The following ASZ1 variants were observed in gnomAD, a reference collection of about 807,000 sequenced individuals.
ASZ1 encodes the protein ankyrin repeat, SAM and basic leucine zipper domain-containing protein 1.
ASZ1 carries 67 observed loss-of-function variants against 61.8 expected under a neutral mutation model. That is an observed-to-expected ratio of 1.08 (90% CI 0.89 to 1.33). The LOEUF (loss-of-function observed/expected upper bound fraction) is 1.33, where lower values mean the gene tolerates loss of function less well. Among genes scored for constraint, ASZ1 ranks in the 40% most tolerant of loss-of-function variants. ASZ1 has a pLI of 0.00. For missense variants in ASZ1, 577 were observed against 554.5 expected (o/e 1.04, Z -0.41); for synonymous variants, 193 against 192.7 (o/e 1.00, Z -0.01).
chr7:117,427,471 G>T lies in ASZ1; in HGVS notation c.-11C>A. ...CGCGCTCGCCGCCATGCCAGCCAAG[G>T]AAGCTCCCTGTCGGCACCGCGCGCC... On this transcript the variant is annotated 5_prime_UTR_variant, in exon 1 of 13. Coordinates refer to ENST00000284629, the MANE Select transcript of ASZ1 (RefSeq NM_130768.3). 2 of 1,613,542 alleles carry T rather than the reference G, an allele frequency of 1.2e-6. No homozygotes were observed. The highest frequency in any genetic ancestry group is 1.7e-6 in the Non-Finnish European group (2 of 1,179,688).
At chr7:117,410,161 AT>A (rs759986808) in intron 4 of ASZ1, among the ~76,000 whole-genome samples, 2 of 151,656 alleles carry the variant, frequency 1.3e-5, no homozygotes, top group Non-Finnish European at 3.0e-5. Flanking sequence ...GGCATCAGCC[AT>A]TTTTTTAGAA....
rs78601304 is a variant in ASZ1, at chr7:117,417,946, T to G, written c.440+2217A>C. 4.9e-3 allele frequency among the ~76,000 whole-genome samples: 745 copies of G among 152,350 alleles called. 4 individuals carry two copies. The highest frequency in any genetic ancestry group is 7.4e-3 in the Non-Finnish European group (500 of 68,022). On this transcript the variant is annotated intron_variant, in intron 4 of 12. Transcript: ENST00000284629. ...CTTATAGTGTCATTGCCTTATAGTT[T>G]CTAGCATAAGATGCTAACCTTGTGT...
intron 2 of ASZ1, among the ~76,000 whole-genome samples, chr7:117,425,728 G>C (rs1208426422): frequency 6.6e-6 from 1 of 151,760 alleles, no homozygotes; most frequent in Admixed American, 6.6e-5. Context: ...GGTGGCTCTT[G>C]CTTGTAATCT....
At chr7:117,411,484 G>T (rs1246666971) in intron 4 of ASZ1, among the ~76,000 whole-genome samples, 1 of 151,810 alleles carries the variant, frequency 6.6e-6, no homozygotes, top group Non-Finnish European at 1.5e-5. Flanking sequence ...CTAACAATAT[G>T]TTAGCAAGAA....
chr7:117,412,079 T>TGTGTGA (rs1554364841), intron 4 of ASZ1, among the ~76,000 whole-genome samples: 3 of 150,532 alleles, frequency 2.0e-5, no homozygotes, highest in South Asian at 2.1e-4. Context: ...TGTGTGTGTG[T>TGTGTGA]GACTGTGTGT....
chr7:117,415,798 G>A (rs560634522), intron 4 of ASZ1, among the ~76,000 whole-genome samples: 1 of 152,096 alleles, frequency 6.6e-6, no homozygotes, highest in Non-Finnish European at 1.5e-5. Context: ...TGATATTAAC[G>A]TTTAGTACAC....
intron 4 of ASZ1, among the ~76,000 whole-genome samples, chr7:117,393,660 A>G (rs1445782421): frequency 2.0e-5 from 3 of 152,212 alleles, no homozygotes; most frequent in African/African-American, 7.2e-5. Flanking sequence ...CTTTTAGCCA[A>G]TATGAGAGTT....
At chr7:117,426,735 T>G in intron 2 of ASZ1, 101 bp downstream of exon 2, 3 of 1,016,410 alleles carry the variant, frequency 3.0e-6, no homozygotes, top group East Asian at 2.5e-5. Flanking sequence ...TTAACATTTG[T>G]TGCGTTTCCA....
Position 117,426,913 on chromosome 7 carries a change from A to G in ASZ1, c.128T>C (p.Ile43Thr). Residue 43 changes from isoleucine (I) to threonine (T), a missense_variant, in exon 2 of 13, where the codon ATT (isoleucine) becomes ACT (threonine). Transcript: ENST00000284629. The stretch of plus-strand genomic sequence containing the variant: ...CTTAAATTTTTCTTTCTTTTCTTCA[A>G]TGGGTAATAGCCTTTTCAATTTCTA... The part of the protein sequence containing the change: ...TSQKLKRLLP[I>T]EEKKEKFKKA... The G allele has an allele frequency of 1.9e-6, 3 of 1,612,666 alleles. No individual in the cohort carries two copies. Among genetic ancestry groups the G allele is most frequent in the Non-Finnish European group, 2.5e-6 (3 of 1,179,562 alleles).
At chr7:117,384,901 G>A in intron 5 of ASZ1, 41 bp from the exon 6 acceptor site, 1 of 1,501,660 alleles carries the variant, frequency 6.7e-7, no homozygotes, top group Non-Finnish European at 8.9e-7. Context: ...AAGAGAAGGA[G>A]TGTATATGAG....
chr7:117,374,097 G>T (rs1448533443), intron 10 of ASZ1, among the ~76,000 whole-genome samples: 1 of 152,022 alleles, frequency 6.6e-6, no homozygotes, highest in Non-Finnish European at 1.5e-5. Flanking sequence ...GAAGAATGGA[G>T]AAATTGGAAT....
chr7:117,409,385 G>T (rs1796851599), intron 4 of ASZ1, among the ~76,000 whole-genome samples: 1 of 151,686 alleles, frequency 6.6e-6, no homozygotes, highest in Non-Finnish European at 1.5e-5. Context: ...TAGCAAAAAA[G>T]AAATCTGCTT....
At chr7:117,423,399 G>A (rs1797134491) in intron 2 of ASZ1, among the ~76,000 whole-genome samples, 1 of 152,084 alleles carries the variant, frequency 6.6e-6, no homozygotes. Flanking sequence ...TCTACTGCTA[G>A]CCCTACTTGT....
At chr7:117,426,048 T>C (rs1797203932) in intron 2 of ASZ1, among the ~76,000 whole-genome samples, 1 of 152,058 alleles carries the variant, frequency 6.6e-6, no homozygotes, top group Non-Finnish European at 1.5e-5. Context: ...TTAATGCCTC[T>C]TCCAAGAAAC....
chr7:117,418,148 C>A (rs1368470299), intron 4 of ASZ1, among the ~76,000 whole-genome samples: 1 of 152,082 alleles, frequency 6.6e-6, no homozygotes, highest in Non-Finnish European at 1.5e-5. Flanking sequence ...CCTACAAAAT[C>A]TCATAGAGGC....
intron 4 of ASZ1, among the ~76,000 whole-genome samples, chr7:117,418,788 C>T (rs1797045994): frequency 6.6e-6 from 1 of 151,956 alleles, no homozygotes; most frequent in Admixed American, 6.6e-5. Flanking sequence ...ATAGTGAAAC[C>T]CCGTCTCTAC....
intron 4 of ASZ1, among the ~76,000 whole-genome samples, chr7:117,403,580 A>G (rs1055713499): frequency 6.6e-6 from 1 of 152,164 alleles, no homozygotes; most frequent in Non-Finnish European, 1.5e-5. Context: ...TTGGGACAGG[A>G]GCTATATATA....
chr7:117,379,712 T>C (rs1796213713), intron 10 of ASZ1, among the ~76,000 whole-genome samples: 1 of 151,856 alleles, frequency 6.6e-6, no homozygotes, highest in Non-Finnish European at 1.5e-5. Flanking sequence ...AAAATATTTC[T>C]ATGTGAGTTA....
intron 6 of ASZ1, among the ~76,000 whole-genome samples, 174 bp from the exon 7 acceptor site, chr7:117,383,284 C>G (rs180879370): frequency 8.4e-4 from 127 of 152,050 alleles, no homozygotes; most frequent in Admixed American, 1.8e-3. Flanking sequence ...AATGATATAT[C>G]ACAGTTGTAT....
Sources: allele counts gnomAD v4.1 joint callset (sites outside exome capture counted in the v4.1 genomes callset), GRCh38; gene constraint gnomAD v4.1.1; transcripts MANE v1.5; gene names NCBI Gene and HGNC (gene_info 2026-07-23, HGNC 2026-07-21).